Variants in PPP2R5E observed in about 807,000 individuals in gnomAD.
PPP2R5E encodes protein phosphatase 2 regulatory subunit B'epsilon.
PPP2R5E carries 4 observed loss-of-function variants against 65.3 expected under a neutral mutation model. That is an observed-to-expected ratio of 0.06 (90% confidence interval 0.03 to 0.14). The LOEUF is 0.14. Ranked by LOEUF, PPP2R5E falls within the 10% of genes least tolerant of loss-of-function variation. PPP2R5E has a pLI of 1.00. For synonymous variants in PPP2R5E, 183 were observed against 187.4 expected, an observed-to-expected ratio of 0.98 and a Z score of 0.19; for missense variants, 274 against 556.1, an observed-to-expected ratio of 0.49 and a Z score of 5.10.
In PPP2R5E at chr14:63,421,868, C is replaced by T. The variant is rs1438954821; in HGVS notation, c.456+125G>A. 4.3e-6 allele frequency: 3 copies of T among 699,056 alleles called. No homozygotes were observed. In the East Asian group the frequency reaches 8.1e-5, roughly 19 times the overall value. 43.3% of individuals were successfully genotyped at this position (699,056 alleles called of 1,614,324 possible). ...GAATAAGAAACATAAAAAACATTCT[C>T]TAACTTTCCATTAGTGTACTCTAAT... On this transcript the variant is annotated intron_variant, in intron 4 of 13. Transcript: ENST00000337537.
At chr14:63,528,435 G>A (rs920670407) in intron 2 of PPP2R5E, among the ~76,000 whole-genome samples, 1 of 152,186 alleles carries the variant, frequency 6.6e-6, no homozygotes, top group African/African-American at 2.4e-5. Context: ...TGAAATGAAA[G>A]TGATGAATTT....
intron 2 of PPP2R5E, among the ~76,000 whole-genome samples, chr14:63,524,870 TCTC>T (rs1893114430): frequency 6.6e-6 from 1 of 152,206 alleles, no homozygotes; most frequent in Non-Finnish European, 1.5e-5. Context: ...CCACCTTCAG[TCTC>T]CTCGTAATTT....
At chr14:63,480,524 C>T (rs763254048) in intron 2 of PPP2R5E, among the ~76,000 whole-genome samples, 1 of 152,154 alleles carries the variant, frequency 6.6e-6, no homozygotes, top group Admixed American at 6.5e-5. Flanking sequence ...TAGTTCAATG[C>T]AGCCTCCAAC....
At chr14:63,411,839 C>CAA (rs1022039083) in intron 5 of PPP2R5E, among the ~76,000 whole-genome samples, 1 of 151,984 alleles carries the variant, frequency 6.6e-6, no homozygotes, top group Non-Finnish European at 1.5e-5. Flanking sequence ...AACAATGAAC[C>CAA]AAATACACCT....
intron 2 of PPP2R5E, among the ~76,000 whole-genome samples, chr14:63,454,361 TA>T (rs1889009007): frequency 6.6e-6 from 1 of 152,260 alleles, no homozygotes; most frequent in African/African-American, 2.4e-5. Flanking sequence ...TGTGTGTTTA[TA>T]TTTTTTTGTT....
At chr14:63,459,721 T>A (rs1566718139) in intron 2 of PPP2R5E, among the ~76,000 whole-genome samples, 1 of 152,224 alleles carries the variant, frequency 6.6e-6, no homozygotes, top group East Asian at 1.9e-4. Flanking sequence ...TTGTATTTTA[T>A]AAAAGTGACT....
intron 12 of PPP2R5E, among the ~76,000 whole-genome samples, 183 bp downstream of exon 12, chr14:63,384,261 T>C (rs982884910): frequency 2.6e-5 from 4 of 152,218 alleles, no homozygotes; most frequent in African/African-American, 9.6e-5. Context: ...ACAGATACTT[T>C]AACCGGTATT....
chr14:63,401,999 G>A (rs899134285), intron 5 of PPP2R5E, among the ~76,000 whole-genome samples: 1 of 152,206 alleles, frequency 6.6e-6, no homozygotes, highest in Non-Finnish European at 1.5e-5. Context: ...CCTATCCCAT[G>A]TGGTGTATTG....
intron 2 of PPP2R5E, among the ~76,000 whole-genome samples, chr14:63,512,723 T>TA (rs1892513525): frequency 6.6e-6 from 1 of 152,024 alleles, no homozygotes. Context: ...ATATAAAAAA[T>TA]AAAAAATTTT....
At chr14:63,457,628 A>G (rs1889195787) in intron 2 of PPP2R5E, among the ~76,000 whole-genome samples, 1 of 152,182 alleles carries the variant, frequency 6.6e-6, no homozygotes, top group South Asian at 2.1e-4. Context: ...TTCCAGTGAA[A>G]ACCTCTGGCC....
intron 2 of PPP2R5E, among the ~76,000 whole-genome samples, chr14:63,489,059 G>A (rs760609764): frequency 9.9e-5 from 15 of 151,950 alleles, no homozygotes; most frequent in Admixed American, 2.0e-4. Flanking sequence ...CACACAGATG[G>A]TTAACGACAG....
intron 2 of PPP2R5E, among the ~76,000 whole-genome samples, chr14:63,462,597 T>C (rs948611321): frequency 5.9e-5 from 9 of 152,200 alleles, no homozygotes; most frequent in Non-Finnish European, 1.5e-5. Context: ...TTTTAGAATA[T>C]AGTAGGTACG....
intron 5 of PPP2R5E, among the ~76,000 whole-genome samples, chr14:63,410,840 GCTTGCCA>G (rs1566682283): frequency 6.6e-6 from 1 of 152,150 alleles, no homozygotes; most frequent in African/African-American, 2.4e-5. Context: ...CAATACCCCT[GCTTGCCA>G]CTTTCACAAT....
At chr14:63,528,383 C>A (rs79045531) in intron 2 of PPP2R5E, among the ~76,000 whole-genome samples, 1,863 of 152,264 alleles carry the variant, frequency 0.012, 34 homozygotes, top group African/African-American at 0.043. Flanking sequence ...CTCAAATACG[C>A]AGAACAGAGG....
chr14:63,448,529 G>A (rs1232867729), intron 3 of PPP2R5E, among the ~76,000 whole-genome samples: 2 of 152,058 alleles, frequency 1.3e-5, no homozygotes, highest in South Asian at 2.1e-4. Flanking sequence ...AGTGGCTCAC[G>A]CCTGTAATCC....
intron 2 of PPP2R5E, among the ~76,000 whole-genome samples, chr14:63,457,411 GACC>G (rs1594895153): frequency 6.6e-6 from 1 of 152,062 alleles, no homozygotes; most frequent in Admixed American, 6.5e-5. Context: ...AATGAATTCT[GACC>G]ACAATACAGT....
intron 11 of PPP2R5E, among the ~76,000 whole-genome samples, chr14:63,387,363 G>A (rs1884733787): frequency 6.6e-6 from 1 of 152,154 alleles, no homozygotes; most frequent in Non-Finnish European, 1.5e-5. Context: ...TATTGTTTAT[G>A]CAAAGTTAAA....
chr14:63,488,050 AT>A (rs2139621270), intron 2 of PPP2R5E, among the ~76,000 whole-genome samples: 1 of 152,278 alleles, frequency 6.6e-6, no homozygotes, highest in South Asian at 2.1e-4. Context: ...TTACATAAAT[AT>A]TTTATTTCTA....
At chr14:63,482,414 G>A (rs1367888540) in intron 2 of PPP2R5E, among the ~76,000 whole-genome samples, 4 of 152,256 alleles carry the variant, frequency 2.6e-5, no homozygotes, top group South Asian at 2.1e-4. Flanking sequence ...AGCCAAGATC[G>A]CACCACTGCA....
Sources: gnomAD v4.1 joint callset for allele counts (sites outside exome capture counted in the v4.1 genomes callset) on GRCh38, gnomAD v4.1.1 for gene constraint, MANE v1.5 for transcripts, NCBI Gene and HGNC (gene_info 2026-07-23, HGNC 2026-07-21) for gene names.